Variants in HHAT observed in about 807,000 individuals in gnomAD.
The protein encoded by HHAT is protein-cysteine N-palmitoyltransferase HHAT.
A neutral mutation model predicts 70.8 loss-of-function variants in HHAT; 47 were observed. That is an observed-to-expected ratio of 0.66 (90% CI 0.53 to 0.85). The LOEUF (loss-of-function observed/expected upper bound fraction) is 0.85, where lower values mean the gene tolerates loss of function less well. HHAT is among the 40% of genes least tolerant of loss of function. HHAT has a pLI of 0.00. For missense variants in HHAT, 609 were observed against 604.8 expected (o/e 1.01, Z -0.07); for synonymous variants, 228 against 247.6 (o/e 0.92, Z 0.74).
chr1:210,515,953 A>G (rs1387755202), intron 9 of HHAT, among the ~76,000 whole-genome samples: 1 of 151,662 alleles, frequency 6.6e-6, no homozygotes, highest in African/African-American at 2.4e-5. Flanking sequence ...ACCTGTAATC[A>G]CAGCTACTTG....
chr1:210,593,701 G>A (rs1020244714), intron 10 of HHAT, among the ~76,000 whole-genome samples: 1 of 152,172 alleles, frequency 6.6e-6, no homozygotes, highest in Non-Finnish European at 1.5e-5. Flanking sequence ...GACCTGTGCT[G>A]CTGGTTAAAG....
intron 9 of HHAT, among the ~76,000 whole-genome samples, chr1:210,571,669 C>A (rs1016222908): frequency 6.6e-6 from 1 of 152,196 alleles, no homozygotes; most frequent in Admixed American, 6.5e-5. Flanking sequence ...TGAGAGGGAG[C>A]CTTCCAAGCA....
intron 2 of HHAT, among the ~76,000 whole-genome samples, chr1:210,351,434 A>T (rs983718581): frequency 2.0e-5 from 3 of 152,158 alleles, no homozygotes; most frequent in African/African-American, 7.2e-5. Flanking sequence ...CATAGCACTA[A>T]CCAACACAAT....
intron 9 of HHAT, among the ~76,000 whole-genome samples, chr1:210,529,102 C>T (rs780144029): frequency 3.9e-5 from 6 of 151,986 alleles, no homozygotes; most frequent in African/African-American, 1.2e-4. Context: ...GTCAGGAGTT[C>T]GAGACCAGCC....
chr1:210,659,512 C>T (rs950211514), intron 11 of HHAT, among the ~76,000 whole-genome samples: 1 of 152,190 alleles, frequency 6.6e-6, no homozygotes, highest in Non-Finnish European at 1.5e-5. Context: ...GGTACCATTC[C>T]TTCTGAAACT....
At chr1:210,345,705 G>A (rs752682554) in intron 1 of HHAT, among the ~76,000 whole-genome samples, 36 of 152,266 alleles carry the variant, frequency 2.4e-4, no homozygotes, top group Non-Finnish European at 3.4e-4. Context: ...AAAATTAGTA[G>A]CATTATACAT....
chr1:210,344,264 A>G (rs2086301742), intron 1 of HHAT, among the ~76,000 whole-genome samples: 1 of 151,792 alleles, frequency 6.6e-6, no homozygotes, highest in Non-Finnish European at 1.5e-5. Flanking sequence ...GCATTGTTGA[A>G]ACTATGTTAT....
intron 11 of HHAT, among the ~76,000 whole-genome samples, chr1:210,627,206 G>A (rs1186875733): frequency 6.6e-6 from 1 of 152,126 alleles, no homozygotes; most frequent in Non-Finnish European, 1.5e-5. Flanking sequence ...GGGCAGACGG[G>A]TATCTAGGAG....
At chr1:210,428,310 A>AATTTTG (rs1558497613) in intron 7 of HHAT, among the ~76,000 whole-genome samples, 1 of 22,472 alleles carries the variant, frequency 4.4e-5, no homozygotes, top group Non-Finnish European at 1.1e-4. Context: ...ATATATATAT[A>AATTTTG]TATATATATA....
chr1:210,432,949 T>G (rs571818824), intron 7 of HHAT, among the ~76,000 whole-genome samples: 1 of 151,990 alleles, frequency 6.6e-6, no homozygotes, highest in South Asian at 2.1e-4. Context: ...CTGTAATTTT[T>G]TTATTCTGTC....
chr1:210,603,860 G>A (rs771613479), intron 10 of HHAT, among the ~76,000 whole-genome samples: 2 of 152,084 alleles, frequency 1.3e-5, no homozygotes, highest in Non-Finnish European at 2.9e-5. Context: ...AGCTGGGTTG[G>A]TATCAATATA....
chr1:210,566,407 C>A (rs1003154247), intron 9 of HHAT, among the ~76,000 whole-genome samples: 1 of 152,132 alleles, frequency 6.6e-6, no homozygotes, highest in African/African-American at 2.4e-5. Context: ...GCCCCATCCT[C>A]AAGCCTGGAT....
intron 7 of HHAT, among the ~76,000 whole-genome samples, chr1:210,448,614 C>G (rs2093683926): frequency 2.0e-5 from 3 of 151,936 alleles, no homozygotes; most frequent in Non-Finnish European, 2.9e-5. Flanking sequence ...GCTTCTAGAC[C>G]AGAGAGAGAG....
intron 7 of HHAT, among the ~76,000 whole-genome samples, chr1:210,427,226 CTAGT>C (rs1428242105): frequency 6.6e-6 from 1 of 151,902 alleles, no homozygotes; most frequent in Non-Finnish European, 1.5e-5. Flanking sequence ...CTTTATTAGT[CTAGT>C]TAGTGGTCTA....
intron 1 of HHAT, among the ~76,000 whole-genome samples, chr1:210,340,224 G>C (rs1294185383): frequency 8.3e-6 from 1 of 119,822 alleles, no homozygotes; most frequent in Non-Finnish European, 1.6e-5. Context: ...CTGGGGGATA[G>C]AGCAAGACTC....
At chr1:210,485,615 G>A (rs1469155880) in intron 8 of HHAT, among the ~76,000 whole-genome samples, 6 of 152,246 alleles carry the variant, frequency 3.9e-5, no homozygotes, top group Non-Finnish European at 7.4e-5. Flanking sequence ...ACAGTTCCAC[G>A]TGGCTGGGGA....
intron 1 of HHAT, among the ~76,000 whole-genome samples, chr1:210,335,785 A>G (rs556831283): frequency 2.5e-4 from 38 of 152,340 alleles, no homozygotes; most frequent in African/African-American, 8.7e-4. Flanking sequence ...AGATAACAAC[A>G]TACACCTAAA....
chr1:210,452,989 CAG>C (rs1389963859), intron 7 of HHAT, among the ~76,000 whole-genome samples: 1 of 152,124 alleles, frequency 6.6e-6, no homozygotes, highest in African/African-American at 2.4e-5. Flanking sequence ...TGTAAGTAAT[CAG>C]AGTTTTTTAG....
At chr1:210,667,653 A>T (rs1679199215) in intron 11 of HHAT, among the ~76,000 whole-genome samples, 1 of 152,160 alleles carries the variant, frequency 6.6e-6, no homozygotes, top group African/African-American at 2.4e-5. Context: ...GATATAAAAC[A>T]TCATCATCCC....
Sources: gnomAD v4.1 joint callset for allele counts (sites outside exome capture counted in the v4.1 genomes callset) on GRCh38, gnomAD v4.1.1 for gene constraint, MANE v1.5 for transcripts, NCBI Gene and HGNC (gene_info 2026-07-23, HGNC 2026-07-21) for gene names.